Variants in ACACB observed in about 807,000 individuals in gnomAD.
ACACB encodes acetyl-CoA carboxylase beta, also known as acetyl-CoA carboxylase 2.
Under a neutral mutation model 278.8 loss-of-function variants are expected in ACACB, and 209 were observed. The observed-to-expected ratio is 0.75, with a 90% CI of 0.67 to 0.84. The LOEUF is 0.84. Among genes scored for constraint, ACACB ranks in the 40% least tolerant of loss-of-function variants. The probability of loss-of-function intolerance (pLI) is 0.00; values close to 1 mark genes in which losing one functional copy is unlikely to be tolerated. For missense variants in ACACB, 2,850 were observed against 3,269.0 expected (o/e 0.87, Z 3.13); for synonymous variants, 1,174 against 1,285.6 (o/e 0.91, Z 1.86).
chr12:109,224,691 C>T, intron 27 of ACACB, among the ~76,000 whole-genome samples: 1 of 152,004 alleles, frequency 6.6e-6, no homozygotes, highest in East Asian at 1.9e-4. Flanking sequence ...ACCACCACAC[C>T]TGGCTAATTT....
chr12:109,209,832 C>CACATACACACACGTGTGTATATATAT (rs1565924621), intron 21 of ACACB, among the ~76,000 whole-genome samples: 1 of 140,828 alleles, frequency 7.1e-6, no homozygotes, highest in African/African-American at 2.8e-5. Context: ...CATATATATA[C>CACATACACACACGTGTGTATATATAT]ACATACACAC....
chr12:109,202,305 G>T (rs928811111), intron 19 of ACACB, among the ~76,000 whole-genome samples: 2 of 151,972 alleles, frequency 1.3e-5, no homozygotes, highest in Admixed American at 1.3e-4. Context: ...TTAATTGTTA[G>T]TATTATTATT....
intron 4 of ACACB, among the ~76,000 whole-genome samples, chr12:109,171,230 C>A (rs979982527): frequency 6.6e-6 from 1 of 152,118 alleles, no homozygotes; most frequent in Admixed American, 6.6e-5. Context: ...CACCTCTAAT[C>A]CCAGTCTGTT....
In ACACB at chr12:109,265,433, A is replaced by G. The variant is rs763777952; in HGVS notation, c.7158A>G (p.Glu2386=). 32 of 1,613,522 alleles carry G rather than the reference A, an allele frequency of 2.0e-5. No individual in the cohort carries two copies. The highest frequency in any genetic ancestry group is 2.7e-5 in the African/African-American group (2 of 74,902). ...DNNQVVVQWL[E]QHWQAGDGPR... is the part of the protein sequence containing the mutation. ...ACCAGGTGGTTGTGCAGTGGCTGGA[A>G]CAGCACTGGCAGGCAGGGGATGGCC... is the stretch of plus-strand genomic sequence containing the variant. The change falls in exon 52 of 53, where the codon GAA becomes GAG. Residue 2386 remains glutamate, a synonymous_variant. Transcript: ENST00000338432.
rs2047553738 is a variant in ACACB at position 109,267,891 on chromosome 12, C to T, written c.*1529C>T. 1 of 152,128 alleles carries T rather than the reference C, an allele frequency of 6.6e-6. No individual in the cohort carries two copies. The highest frequency in any genetic ancestry group is 1.9e-4 in the East Asian group (1 of 5,184). 9.4% of individuals were successfully genotyped at this position (152,128 alleles called of 1,614,324 possible). A position where few individuals can be genotyped will look rare whatever the true frequency, so the allele number is the denominator to read the frequency against. On this transcript the variant is annotated 3_prime_UTR_variant, in exon 53 of 53. Transcript: ENST00000338432. ...GTAATGCCTGGTCAATGTGGAAGCCCATGAGGTTGCCCAGGGAAGCCTCCA... is the reference window on the plus strand; with the variant it reads ...GTAATGCCTGGTCAATGTGGAAGCCTATGAGGTTGCCCAGGGAAGCCTCCA...
chr12:109,204,791 C>A (rs2045447989), intron 19 of ACACB, among the ~76,000 whole-genome samples: 1 of 152,074 alleles, frequency 6.6e-6, no homozygotes, highest in Non-Finnish European at 1.5e-5. Context: ...ATGTAATATC[C>A]TCCAGTTCCA....
intron 2 of ACACB, among the ~76,000 whole-genome samples, chr12:109,164,525 C>A (rs1208048509): frequency 6.6e-6 from 1 of 152,110 alleles, no homozygotes; most frequent in African/African-American, 2.4e-5. Context: ...AGCCACCATG[C>A]CTGGCCCTTC....
intron 1 of ACACB, among the ~76,000 whole-genome samples, chr12:109,122,518 A>G (rs1227119268): frequency 7.2e-6 from 1 of 139,480 alleles, no homozygotes; most frequent in Non-Finnish European, 1.5e-5. Context: ...GGCTGCAATG[A>G]GCTATGATTG....
chr12:109,167,850 G>A lies in ACACB; in HGVS notation c.787-46G>A, dbSNP rs374378849. 37 of 1,612,802 alleles carry A rather than the reference G, an allele frequency of 2.3e-5. No individual in the cohort carries two copies. In the African/African-American group the frequency reaches 3.7e-4, roughly 16 times the overall value. On this transcript the variant is annotated intron_variant, in intron 3 of 52. Transcript: ENST00000338432. ...CTCGGGGTAGCACGTGGCCCCCAGC[G>A]CAGGTAGATGTGCATCTACAGCTCC...
At chr12:109,210,464 C>T (rs1038293313) in intron 21 of ACACB, among the ~76,000 whole-genome samples, 7 of 145,060 alleles carry the variant, frequency 4.8e-5, no homozygotes, top group South Asian at 4.3e-4. Flanking sequence ...TGTATATATA[C>T]GCACATACAT....
At position 109,265,445 on chromosome 12, in the gene ACACB, G is replaced by C. The variant is rs377337560; in HGVS notation, c.7170G>C (p.Gln2390His). 4 of 1,613,308 alleles carry C rather than the reference G, an allele frequency of 2.5e-6. No homozygotes were observed. Among genetic ancestry groups the C allele is most frequent in the African/African-American group, 1.3e-5 (1 of 74,916 alleles). Residue 2390 changes from glutamine to histidine, a missense_variant, in exon 52 of 53, where the codon CAG becomes CAC. Transcript: ENST00000338432. ...TGCAGTGGCTGGAACAGCACTGGCA[G>C]GCAGGGGATGGCCCGCGCTCCACCA... is the stretch of plus-strand genomic sequence containing the variant. ...VVVQWLEQHW[Q>H]AGDGPRSTIR...
intron 2 of ACACB, among the ~76,000 whole-genome samples, chr12:109,159,636 T>C (rs1565873358): frequency 6.6e-6 from 1 of 152,146 alleles, no homozygotes; most frequent in African/African-American, 2.4e-5. Flanking sequence ...CTGTTGACAC[T>C]TGGGGCTGTC....
intron 24 of ACACB, among the ~76,000 whole-genome samples, chr12:109,217,599 G>C (rs2046042038): frequency 6.6e-6 from 1 of 152,046 alleles, no homozygotes; most frequent in African/African-American, 2.4e-5. Context: ...AGGAGTTTGA[G>C]ACGAGCCTGG....
intron 3 of ACACB, among the ~76,000 whole-genome samples, chr12:109,167,491 C>T (rs934828992): frequency 2.0e-5 from 3 of 150,204 alleles, no homozygotes; most frequent in Admixed American, 6.6e-5. Context: ...CCCAGCTACT[C>T]GGGAGGCTGA....
intron 1 of ACACB, among the ~76,000 whole-genome samples, chr12:109,121,747 G>A (rs954819422): frequency 3.9e-5 from 6 of 152,198 alleles, no homozygotes; most frequent in African/African-American, 1.4e-4. Flanking sequence ...ACCTGAGCTG[G>A]GTGCAGGCCT....
At position 109,172,335 on chromosome 12, in the gene ACACB, A is replaced by G; in HGVS notation, c.1096A>G (p.Lys366Glu). The change falls in exon 6 of 53, where the codon AAG (lysine) becomes GAG (glutamate). Residue 366 changes from lysine to glutamate, a missense_variant. Coordinates refer to ENST00000338432, the MANE Select transcript of ACACB (RefSeq NM_001093.4). ...ENPKLPELLC[K>E]NGVAFLGPPS... is the part of the protein sequence containing the mutation. ...CCCTAAACTTCCGGAGCTGCTGTGC[A>G]AGAATGGAGTTGCTTTCTTAGGTAG... 6.2e-7 allele frequency: 1 copy of G among 1,614,188 alleles called. No individual in the cohort carries two copies. The highest frequency in any genetic ancestry group is 8.5e-7 in the Non-Finnish European group (1 of 1,180,040).
At chr12:109,131,672 G>C (rs370061388) in intron 1 of ACACB, among the ~76,000 whole-genome samples, 14 of 152,270 alleles carry the variant, frequency 9.2e-5, no homozygotes, top group African/African-American at 3.4e-4. Flanking sequence ...TGTTCATTGT[G>C]GTGAAGGCCA....
At chr12:109,170,930 A>T (rs2044092298) in intron 4 of ACACB, among the ~76,000 whole-genome samples, 1 of 151,304 alleles carries the variant, frequency 6.6e-6, no homozygotes, top group South Asian at 2.1e-4. Flanking sequence ...TCGACCTTCT[A>T]GGCTCAAGTG....
At chr12:109,153,355 T>A (rs546417990) in intron 2 of ACACB, among the ~76,000 whole-genome samples, 1 of 152,354 alleles carries the variant, frequency 6.6e-6, no homozygotes, top group Admixed American at 6.5e-5. Context: ...TTTTGTTACA[T>A]GCATAGAATG....
Sources: allele counts gnomAD v4.1 joint callset (sites outside exome capture counted in the v4.1 genomes callset), GRCh38; gene constraint gnomAD v4.1.1; transcripts MANE v1.5; gene names NCBI Gene and HGNC (gene_info 2026-07-23, HGNC 2026-07-21).